MADD: variants seen among roughly 807,000 people sequenced by gnomAD.
MADD encodes MAP kinase activating death domain, also known as MAP kinase-activating death domain protein.
A neutral mutation model predicts 176.7 loss-of-function variants in MADD; 109 were observed. The ratio of observed to expected loss-of-function variants is 0.62; its 90% confidence interval spans 0.53 to 0.72. The LOEUF is 0.72. Among genes scored for constraint, MADD ranks in the 30% least tolerant of loss-of-function variants. The pLI is 0.00. For missense variants in MADD, 1,914 were observed against 2,045.5 expected (o/e 0.94, Z 1.24); for synonymous variants, 771 against 771.3 (o/e 1.00, Z 0.01).
intron 27 of MADD, among the ~76,000 whole-genome samples, chr11:47,319,779 T>G (rs1468334720): frequency 7.9e-5 from 12 of 151,742 alleles, no homozygotes; most frequent in Non-Finnish European, 1.8e-4. Context: ...TAACTTGAGG[T>G]CAGGAGTTCC....
rs199785975 is a variant in MADD at position 47,290,813 on chromosome 11, A to C, written c.3298A>C (p.Ile1100Leu). 7 of 1,609,660 alleles carry C rather than the reference A, an allele frequency of 4.3e-6. No homozygotes were observed. The African/African-American group carries it at 8.0e-5, about 18-fold the overall frequency. ...AAAGGAAGAAAATTTTATAGCATCT[A>C]TTGGTACGTATCAGTGTGTTTGGTG... is the stretch of plus-strand genomic sequence containing the variant. The change falls in exon 19 of 33, where the codon ATT becomes CTT. Residue 1100 changes from isoleucine (I) to leucine (L), a missense_variant. Around this residue, in one of 2 missense-constraint regions of MADD, gnomAD observed 1,767 missense variants for 1,836.0 expected, o/e 0.96. Transcript: ENST00000402192.
chr11:47,289,848 C>A lies in MADD; in HGVS notation c.2757-19C>A. 6.2e-7 allele frequency: 1 copy of A among 1,611,896 alleles called. No individual in the cohort carries two copies. The highest frequency in any genetic ancestry group is 2.2e-5 in the East Asian group (1 of 44,862). ...GCAAAGGAGCTGATGACCACAGAAG[C>A]GGTGTGTGGACCCTGTAGTGAGAAC... On this transcript the variant is annotated intron_variant, in intron 16 of 32. Coordinates refer to ENST00000402192, the Ensembl canonical transcript of MADD.
intron 27 of MADD, among the ~76,000 whole-genome samples, chr11:47,320,199 G>GT (rs2094189638): frequency 1.3e-5 from 2 of 151,758 alleles, no homozygotes; most frequent in South Asian, 4.2e-4. Flanking sequence ...GCTCACGCCT[G>GT]TAATCCCAGC....
chr11:47,297,629 G>C (rs1339123136), intron 22 of MADD, among the ~76,000 whole-genome samples: 2 of 151,368 alleles, frequency 1.3e-5, no homozygotes, highest in Non-Finnish European at 2.9e-5. Context: ...TGTATTTTTA[G>C]TGGAGATGGG....
At chr11:47,319,702 T>C (rs1347937973) in intron 27 of MADD, among the ~76,000 whole-genome samples, 2 of 152,198 alleles carry the variant, frequency 1.3e-5, no homozygotes, top group Non-Finnish European at 2.9e-5. Context: ...ATTACAAATA[T>C]TGGGCTGGGC....
At chr11:47,319,132 ATT>A (rs1184555759) in intron 27 of MADD, among the ~76,000 whole-genome samples, 1 of 114,534 alleles carries the variant, frequency 8.7e-6, no homozygotes, top group Non-Finnish European at 1.8e-5. Context: ...TATATATATA[ATT>A]TTTTTTTTTT....
At chr11:47,290,687 G>A in exon 19 of MADD, 1 of 1,614,148 alleles carries the variant, frequency 6.2e-7, no homozygotes, top group Non-Finnish European at 8.5e-7. Context: ...AGCTGGGCGG[G>A]GGGACCCAAA....
Position 47,274,986 on chromosome 11 carries a change from G to A in MADD, c.486G>A (p.Arg162=), listed in dbSNP as rs759983654. 3.1e-6 allele frequency: 5 copies of A among 1,614,152 alleles called. No homozygotes were observed. In the South Asian group the frequency reaches 4.4e-5, roughly 14 times the overall value. Residue 162 remains arginine, a synonymous_variant, in exon 3 of 33, where the codon CGG becomes CGA. Transcript: ENST00000402192. Reference sequence around the variant, plus strand: ...ACCAGTCTCCTCGGGGCAAACGCCGGGCCAAGGCGGGGAGCCGCTCCCGCA... The same window carrying A: ...ACCAGTCTCCTCGGGGCAAACGCCGAGCCAAGGCGGGGAGCCGCTCCCGCA...
chr11:47,309,630 G>A lies in MADD; in HGVS notation c.3978+18G>A. 6.3e-7 allele frequency: 1 copy of A among 1,592,382 alleles called. No individual in the cohort carries two copies. The highest frequency in any genetic ancestry group is 8.6e-7 in the Non-Finnish European group (1 of 1,160,146). On this transcript the variant is annotated intron_variant, in intron 25 of 32. Transcript: ENST00000402192. ...TGATGAAGGTAATGTCAATTTTGCT[G>A]TGTCCAGCTCCGCTGATCCTAGAGG... is the stretch of plus-strand genomic sequence containing the variant.
At chr11:47,311,770 A>C in exon 26 of MADD, 14 of 1,613,954 alleles carry the variant, frequency 8.7e-6, no homozygotes, top group Non-Finnish European at 1.2e-5. Context: ...TGAGGCGCCT[A>C]ATGGGAAAGT....
intron 22 of MADD, among the ~76,000 whole-genome samples, chr11:47,306,805 G>T (rs2083090031): frequency 6.6e-6 from 1 of 152,072 alleles, no homozygotes; most frequent in Non-Finnish European, 1.5e-5. Flanking sequence ...TTTGTGAGGG[G>T]GATGTGCTTT....
chr11:47,317,195 CTG>C (rs1386701406), intron 27 of MADD, among the ~76,000 whole-genome samples: 4 of 152,298 alleles, frequency 2.6e-5, no homozygotes, highest in Admixed American at 1.3e-4. Flanking sequence ...CACTGTGTGA[CTG>C]TGCCTTAATT....
Position 47,323,854 on chromosome 11 carries a change from TG to T in MADD, c.4362+22del, listed in dbSNP as rs1449442503. On this transcript the variant is annotated intron_variant, in intron 28 of 32. Coordinates refer to ENST00000402192, the Ensembl canonical transcript of MADD. Reference sequence around the variant, plus strand: ...TAAAAAGGTACGCAGGATCTGTGTTTGGGTTGGGGCTAGTAGGCATTGAAGA... The same window carrying T: ...TAAAAAGGTACGCAGGATCTGTGTTTGGTTGGGGCTAGTAGGCATTGAAGA... 1.2e-6 allele frequency: 2 copies of T among 1,612,696 alleles called. No individual in the cohort carries two copies. Among genetic ancestry groups the T allele is most frequent in the Non-Finnish European group, 1.7e-6 (2 of 1,178,878 alleles).
At chr11:47,294,348 CA>C (rs796517395) in intron 20 of MADD, among the ~76,000 whole-genome samples, 54,410 of 143,580 alleles carry the variant, frequency 0.38, 11,083 homozygotes, top group East Asian at 0.67. Flanking sequence ...AACTCCATCT[CA>C]AAAAAAAAAA....
At chr11:47,272,960 AGTG>A (rs1180123257) in intron 1 of MADD, among the ~76,000 whole-genome samples, 1 of 152,162 alleles carries the variant, frequency 6.6e-6, no homozygotes, top group Non-Finnish European at 1.5e-5. Context: ...GAGGGAGAAA[AGTG>A]GTGCAGATTA....
At position 47,275,895 on chromosome 11, in the gene MADD, T is replaced by C. The variant is rs1227557868; in HGVS notation, c.660-4T>C. ...GTGTCTGATTCCTGCTGTCTGCTTC[T>C]CAGGGACACCATGTGGCGGATCTTT... On this transcript the variant is annotated splice_polypyrimidine_tract_variant and splice_region_variant and intron_variant, in intron 3 of 32. Transcript: ENST00000402192. 48 of 1,601,586 alleles carry C rather than the reference T, an allele frequency of 3.0e-5. No homozygotes were observed. The highest frequency in any genetic ancestry group is 4.0e-5 in the Non-Finnish European group (47 of 1,170,366).
At chr11:47,328,540 G>A (rs759591692) in intron 31 of MADD, 118 bp from the exon 36 acceptor site, 10 of 1,546,530 alleles carry the variant, frequency 6.5e-6, no homozygotes, top group Non-Finnish European at 7.9e-6. Context: ...TGCAGCCACT[G>A]TGAGAGGCCA....
At chr11:47,308,840 G>A in intron 23 of MADD, 140 bp from the exon 26 acceptor site, 5 of 1,016,312 alleles carry the variant, frequency 4.9e-6, no homozygotes, top group Non-Finnish European at 7.6e-6. Context: ...CCTGAAGCAA[G>A]CGACTTACTG....
intron 27 of MADD, among the ~76,000 whole-genome samples, chr11:47,317,621 C>T (rs569753550): frequency 3.9e-5 from 6 of 152,208 alleles, no homozygotes; most frequent in South Asian, 2.1e-4. Context: ...TGGTGCTATA[C>T]GCTTCCTATT....
Sources: allele counts gnomAD v4.1 joint callset (sites outside exome capture counted in the v4.1 genomes callset), GRCh38; gene constraint gnomAD v4.1.1; regional missense constraint gnomAD v4.1.1; transcripts MANE v1.5; gene names NCBI Gene and HGNC (gene_info 2026-07-23, HGNC 2026-07-21).